CCDC66: variants seen among roughly 807,000 people sequenced by gnomAD.
The protein encoded by CCDC66 is coiled-coil domain containing 66, also known as coiled-coil domain-containing protein 66.
Under a neutral mutation model 128.3 loss-of-function variants are expected in CCDC66, and 133 were observed. The observed-to-expected ratio is 1.04, with a 90% CI of 0.90 to 1.20. CCDC66 has a LOEUF of 1.20. Ranked by LOEUF, CCDC66 falls within the 50% of genes most tolerant of loss-of-function variation. CCDC66 has a pLI of 0.00. For synonymous variants in CCDC66, 387 were observed against 357.0 expected (o/e 1.08, Z -0.95); for missense variants, 1,126 against 1,075.5 (o/e 1.05, Z -0.66).
At chr3:56,584,025 C>T (rs2068969066) in intron 7 of CCDC66, among the ~76,000 whole-genome samples, 1 of 134,878 alleles carries the variant, frequency 7.4e-6, no homozygotes, top group Non-Finnish European at 1.6e-5. Context: ...GGGCTGCCCC[C>T]CACCTCCCTC....
chr3:56,565,671 T>A (rs889354904), intron 4 of CCDC66, among the ~76,000 whole-genome samples: 2 of 151,442 alleles, frequency 1.3e-5, no homozygotes, highest in Non-Finnish European at 2.9e-5. Context: ...GGCTGGAGTC[T>A]CGCTGCGTCG....
intron 7 of CCDC66, 130 bp from the exon 8 acceptor site, chr3:56,592,840 G>C: frequency 1.2e-6 from 1 of 846,972 alleles, no homozygotes; most frequent in Non-Finnish European, 1.9e-6. Flanking sequence ...TTCGTTTGAA[G>C]TTATTGCTCC....
intron 10 of CCDC66, 117 bp downstream of exon 10, chr3:56,594,145 A>G (rs1281963515): frequency 2.2e-6 from 2 of 899,914 alleles, no homozygotes; most frequent in Admixed American, 4.2e-5. Context: ...GGTCCTGTCC[A>G]GTTGTGTCAC....
chr3:56,580,278 C>T (rs1197985105), intron 7 of CCDC66, among the ~76,000 whole-genome samples: 2 of 151,704 alleles, frequency 1.3e-5, no homozygotes, highest in African/African-American at 4.8e-5. Context: ...CTTCCTCCAT[C>T]CCTTTATTTT....
chr3:56,563,492 G>C, intron 3 of CCDC66, 192 bp from the exon 4 acceptor site: 1 of 544,184 alleles, frequency 1.8e-6, no homozygotes, highest in East Asian at 2.9e-5. Context: ...TATAATAAAA[G>C]TTCCTGAAGT....
intron 6 of CCDC66, chr3:56,570,306 C>T (rs2107837174): frequency 6.6e-6 from 1 of 152,200 alleles, no homozygotes; most frequent in South Asian, 2.1e-4. Context: ...TTGACTATAT[C>T]TCTCAGACAC....
chr3:56,613,379 C>G (rs1056558990), intron 10 of CCDC66, among the ~76,000 whole-genome samples: 2 of 152,164 alleles, frequency 1.3e-5, no homozygotes, highest in Non-Finnish European at 2.9e-5. Flanking sequence ...AGACAGGCTG[C>G]TTTGCTTTCT....
At chr3:56,617,023 G>A (rs1458636887) in intron 13 of CCDC66, 89 bp from the exon 14 acceptor site, 1 of 1,035,016 alleles carries the variant, frequency 9.7e-7, no homozygotes, top group African/African-American at 1.6e-5. Context: ...GTCTTAGAGG[G>A]CAATAATTGT....
chr3:56,557,378 A>G (rs2064452823), intron 1 of CCDC66, 125 bp downstream of exon 1: 1 of 1,278,614 alleles, frequency 7.8e-7, no homozygotes, highest in Non-Finnish European at 1.1e-6. Context: ...TGCGCCGCCG[A>G]GAGGGGCAGA....
chr3:56,619,264 TA>T lies in CCDC66; in HGVS notation c.2379-4del. The stretch of plus-strand genomic sequence containing the variant: ...ACACAATTTTTTACTATTTTTTTTT[TA>T]AATAGGTCTCCATCATCACCAGTTC... On this transcript the variant is annotated splice_polypyrimidine_tract_variant and splice_region_variant and intron_variant, in intron 15 of 17. Transcript: ENST00000394672. The T allele has an allele frequency of 6.4e-7, 1 of 1,554,470 alleles. No individual in the cohort carries two copies. The highest frequency in any genetic ancestry group is 8.7e-7 in the Non-Finnish European group (1 of 1,154,248).
chr3:56,572,764 A>T (rs1310860444), intron 7 of CCDC66: 1 of 155,258 alleles, frequency 6.4e-6, no homozygotes, highest in African/African-American at 2.4e-5. Flanking sequence ...GTTCTGCTTC[A>T]TGTAGAGCTG....
chr3:56,592,176 G>A (rs1228653399), intron 7 of CCDC66, among the ~76,000 whole-genome samples: 1 of 152,124 alleles, frequency 6.6e-6, no homozygotes, highest in African/African-American at 2.4e-5. Context: ...AGAAGACAGA[G>A]GTTCTCCTAG....
chr3:56,612,995 G>A (rs1577985106), intron 10 of CCDC66, among the ~76,000 whole-genome samples: 1 of 152,194 alleles, frequency 6.6e-6, no homozygotes, highest in South Asian at 2.1e-4. Context: ...ACTAGGGAGG[G>A]TGGGTTTGCT....
chr3:56,573,259 TA>T (rs2066883006), intron 7 of CCDC66, among the ~76,000 whole-genome samples: 3 of 152,216 alleles, frequency 2.0e-5, no homozygotes. Context: ...ATTTTGTATA[TA>T]TTTTTTAATG....
At position 56,597,777 on chromosome 3, in the gene CCDC66, G is replaced by GTTTTTTTTTTTTTTGTTTTT. The variant is rs2072315627; in HGVS notation, c.1404+3763_1404+3764insGTTTTTTTTTTTTTTTTTTT. ...TGTGGAGTCTAGGTTTTGTTTTGGGGTTTTTTTTTTTTTTTGAGACAGAGC... is the reference window on the plus strand; with the variant it reads ...TGTGGAGTCTAGGTTTTGTTTTGGGGTTTTTTTTTTTTTTGTTTTTTTTTTTTTTTTTTTTGAGACAGAGC... On this transcript the variant is annotated intron_variant, in intron 10 of 17. Transcript: ENST00000394672. Among the ~76,000 whole-genome samples the GTTTTTTTTTTTTTTGTTTTT allele has an allele frequency of 6.8e-5, 6 of 87,964 alleles. 1 individual carries two copies. Among genetic ancestry groups the GTTTTTTTTTTTTTTGTTTTT allele is most frequent in the South Asian group, 1.2e-3 (2 of 1,614 alleles). The allele number at this position is 87,964 out of a possible 152,430, so 57.7% of individuals were successfully genotyped here.
chr3:56,595,000 T>C (rs560478108), intron 10 of CCDC66, among the ~76,000 whole-genome samples: 3 of 152,300 alleles, frequency 2.0e-5, no homozygotes, highest in Admixed American at 6.5e-5. Context: ...AAATGGGAGA[T>C]GGGAGAAATG....
At chr3:56,587,537 C>T (rs2070013528) in intron 7 of CCDC66, among the ~76,000 whole-genome samples, 2 of 149,346 alleles carry the variant, frequency 1.3e-5, no homozygotes, top group Non-Finnish European at 2.9e-5. Flanking sequence ...TTTAAACGAC[C>T]AGATCTTACC....
Position 56,593,588 on chromosome 3 carries a change from C to T in CCDC66, c.1166C>T (p.Pro389Leu). 6.2e-7 allele frequency: 1 copy of T among 1,614,198 alleles called. No individual in the cohort carries two copies. Among genetic ancestry groups the T allele is most frequent in the Non-Finnish European group, 8.5e-7 (1 of 1,180,026 alleles). The change falls in exon 9 of 18, where the codon CCT (proline) becomes CTT (leucine). Residue 389 changes from proline to leucine, a missense_variant. Pro to Leu is a moderately conservative substitution (Grantham distance 98, BLOSUM62 -3). Coordinates refer to ENST00000394672, the MANE Select transcript of CCDC66 (RefSeq NM_001141947.3). ...QLFSQSTHKQ[P>L]EYFCVSPDTQ... ...TTCTCTCAGTCAACACACAAACAAC[C>T]TGAGTACTTCTGTGTCTCTCCTGAC...
rs2071276905 is a variant in CCDC66, at chr3:56,593,350, C to A, written c.1069-141C>A. ...CTAGTGATCTATATGTATAAGGACT[C>A]TAAACAGTACAGTCTTGTTAATTTT... is the stretch of plus-strand genomic sequence containing the variant. On this transcript the variant is annotated intron_variant, in intron 8 of 17. Transcript: ENST00000394672. 3 of 951,090 alleles carry A rather than the reference C, an allele frequency of 3.2e-6. No individual in the cohort carries two copies. The Admixed American group carries it at 8.6e-5, about 27-fold the overall frequency. The allele number at this position is 951,090 out of a possible 1,614,324, so 58.9% of individuals were successfully genotyped here. A position where few individuals can be genotyped will look rare whatever the true frequency, so the allele number is the denominator to read the frequency against.
Sources: gnomAD v4.1 joint callset for allele counts (sites outside exome capture counted in the v4.1 genomes callset) on GRCh38, gnomAD v4.1.1 for gene constraint, MANE v1.5 for transcripts, NCBI Gene and HGNC (gene_info 2026-07-23, HGNC 2026-07-21) for gene names.